L3MBTL4: variants seen among roughly 807,000 people sequenced by gnomAD.
The protein encoded by L3MBTL4 is L3MBTL histone methyl-lysine binding protein 4, also known as lethal(3)malignant brain tumor-like protein 4.
A neutral mutation model predicts 84.5 loss-of-function variants in L3MBTL4; 70 were observed. The ratio of observed to expected loss-of-function variants is 0.83; its 90% CI spans 0.68 to 1.01. The LOEUF (loss-of-function observed/expected upper bound fraction) is 1.01, where lower values mean the gene tolerates loss of function less well. Among genes scored for constraint, L3MBTL4 ranks in the 50% least tolerant of loss-of-function variants. L3MBTL4 has a pLI of 0.00. For synonymous variants in L3MBTL4, 274 were observed against 259.8 expected (o/e 1.05, Z -0.52); for missense variants, 715 against 754.8 (o/e 0.95, Z 0.62).
intron 4 of L3MBTL4, among the ~76,000 whole-genome samples, chr18:6,296,023 A>C (rs901587608): frequency 5.9e-5 from 9 of 152,220 alleles, no homozygotes; most frequent in Non-Finnish European, 8.8e-5. Flanking sequence ...TTCTCAGGTA[A>C]GGAATTACCT....
At chr18:6,266,653 A>T (rs559660489) in intron 4 of L3MBTL4, among the ~76,000 whole-genome samples, 1 of 152,358 alleles carries the variant, frequency 6.6e-6, no homozygotes, top group Non-Finnish European at 1.5e-5. Context: ...GGCCAGGTGC[A>T]GTGGCTTACA....
At chr18:6,396,384 C>G (rs2055270403) in intron 1 of L3MBTL4, 1 of 153,196 alleles carries the variant, frequency 6.5e-6, no homozygotes, top group Admixed American at 6.5e-5. Context: ...TGGCACAGCC[C>G]CTTCTGCAGC....
intron 16 of L3MBTL4, among the ~76,000 whole-genome samples, chr18:6,067,753 T>A (rs1436922630): frequency 2.6e-5 from 4 of 152,210 alleles, no homozygotes. Flanking sequence ...CCTTGAGTAA[T>A]TTAATAAGCA....
intron 1 of L3MBTL4, among the ~76,000 whole-genome samples, chr18:6,349,433 A>T (rs1311331403): frequency 1.3e-5 from 2 of 152,224 alleles, no homozygotes; most frequent in African/African-American, 4.8e-5. Flanking sequence ...GCCAAACACG[A>T]AAGAATACAC....
chr18:6,119,000 T>C (rs1354753042), intron 14 of L3MBTL4, among the ~76,000 whole-genome samples: 1 of 143,342 alleles, frequency 7.0e-6, no homozygotes, highest in African/African-American at 2.6e-5. Flanking sequence ...TTTCTTTTTT[T>C]TTTTTTTTTT....
Position 6,245,145 on chromosome 18 carries a change from C to T in L3MBTL4, c.220-557G>A, listed in dbSNP as rs185908658. On this transcript the variant is annotated intron_variant, in intron 5 of 18. Coordinates refer to ENST00000317931, the MANE Select transcript of L3MBTL4 (RefSeq NM_001330559.2). Reference sequence around the variant, plus strand: ...TGAACTCCTGACCTTGTGATCTACCCGCCTTGGCCTCCCAAAGTGCTGGGA... The same window carrying T: ...TGAACTCCTGACCTTGTGATCTACCTGCCTTGGCCTCCCAAAGTGCTGGGA... 4.5e-4 allele frequency among the ~76,000 whole-genome samples: 68 copies of T among 152,210 alleles called. No individual in the cohort carries two copies. In the East Asian group the frequency reaches 0.012, roughly 26 times the overall value.
intron 3 of L3MBTL4, among the ~76,000 whole-genome samples, chr18:6,307,329 C>A (rs573120847): frequency 6.6e-6 from 1 of 150,398 alleles, no homozygotes; most frequent in East Asian, 2.0e-4. Context: ...CCCAGCTACT[C>A]GGGAGGCTGA....
At chr18:6,376,925 T>A (rs1162459147) in intron 1 of L3MBTL4, among the ~76,000 whole-genome samples, 1 of 152,174 alleles carries the variant, frequency 6.6e-6, no homozygotes, top group Non-Finnish European at 1.5e-5. Context: ...AATCATTGTG[T>A]ATTTACAAAA....
chr18:6,272,324 C>A (rs571296119), intron 4 of L3MBTL4, among the ~76,000 whole-genome samples: 1 of 152,230 alleles, frequency 6.6e-6, no homozygotes, highest in Non-Finnish European at 1.5e-5. Context: ...CAAATACCCT[C>A]ACCTCCTTCA....
At chr18:6,160,281 G>C (rs1456636355) in intron 13 of L3MBTL4, among the ~76,000 whole-genome samples, 1 of 152,216 alleles carries the variant, frequency 6.6e-6, no homozygotes, top group African/African-American at 2.4e-5. Flanking sequence ...CTTTTGTGTT[G>C]CAAGTCAGCA....
intron 16 of L3MBTL4, among the ~76,000 whole-genome samples, chr18:6,054,367 G>T (rs575147682): frequency 5.3e-5 from 8 of 152,050 alleles, no homozygotes; most frequent in African/African-American, 1.9e-4. Flanking sequence ...CCATCCCTGA[G>T]GTGTGGAGTC....
chr18:5,988,918 T>A (rs1429103038), intron 16 of L3MBTL4, among the ~76,000 whole-genome samples: 1 of 152,230 alleles, frequency 6.6e-6, no homozygotes, highest in East Asian at 1.9e-4. Context: ...CAGTTCATTC[T>A]CTTCTCTCCT....
intron 10 of L3MBTL4, among the ~76,000 whole-genome samples, chr18:6,232,099 G>T (rs1380318296): frequency 1.3e-5 from 2 of 152,072 alleles, no homozygotes; most frequent in African/African-American, 2.4e-5. Flanking sequence ...TCATGAAAGG[G>T]TGTTGAATCT....
At chr18:6,375,728 T>C (rs2054339655) in intron 1 of L3MBTL4, among the ~76,000 whole-genome samples, 1 of 151,810 alleles carries the variant, frequency 6.6e-6, no homozygotes, top group South Asian at 2.1e-4. Context: ...GGATGAGAAA[T>C]AGAGAAGAAC....
intron 13 of L3MBTL4, among the ~76,000 whole-genome samples, chr18:6,150,235 T>C (rs1397597586): frequency 6.6e-6 from 1 of 152,150 alleles, no homozygotes; most frequent in Non-Finnish European, 1.5e-5. Flanking sequence ...ACCCATAAGA[T>C]TGAAACATAC....
At chr18:6,219,275 C>A (rs1367931549) in intron 10 of L3MBTL4, among the ~76,000 whole-genome samples, 1 of 151,910 alleles carries the variant, frequency 6.6e-6, no homozygotes, top group South Asian at 2.1e-4. Context: ...CCAAGGCAGC[C>A]CCTTTCAGGC....
intron 18 of L3MBTL4, 116 bp from the exon 19 acceptor site, chr18:5,956,503 GCT>G (rs34046077): frequency 0.37 from 303,803 of 811,566 alleles, 59,207 homozygotes; most frequent in East Asian, 0.47. Flanking sequence ...TCCGTGTTGA[GCT>G]CACCAGTGAG....
intron 4 of L3MBTL4, among the ~76,000 whole-genome samples, chr18:6,264,276 G>C (rs2048533345): frequency 6.6e-6 from 1 of 152,116 alleles, no homozygotes. Context: ...TCACCCTCTA[G>C]AAAATGCCTA....
chr18:6,413,763 T>C (rs1054086820), intron 1 of L3MBTL4, among the ~76,000 whole-genome samples: 6 of 152,190 alleles, frequency 3.9e-5, no homozygotes, highest in Non-Finnish European at 7.3e-5. Flanking sequence ...GAGTGGGTCG[T>C]GGTGACCAGC....
Sources: allele counts gnomAD v4.1 joint callset (sites outside exome capture counted in the v4.1 genomes callset), GRCh38; gene constraint gnomAD v4.1.1; transcripts MANE v1.5; gene names NCBI Gene and HGNC (gene_info 2026-07-23, HGNC 2026-07-21).